HEMK2: variants seen among roughly 807,000 people sequenced by gnomAD.
The protein encoded by HEMK2 is methyltransferase HEMK2.
chr21:28,583,039 T>C, the HEMK2 span, among the ~76,000 whole-genome samples: 11 of 152,202 alleles, frequency 7.2e-5, no homozygotes, highest in Non-Finnish European at 1.5e-4. Context: ...GACATAGTGA[T>C]ATTATTGGAA....
At chr21:28,631,124 G>T in the HEMK2 span, among the ~76,000 whole-genome samples, 1 of 152,036 alleles carries the variant, frequency 6.6e-6, no homozygotes, top group Non-Finnish European at 1.5e-5. Context: ...AACTGACATA[G>T]GGAAATTTTG....
chr21:28,662,009 T>C, the HEMK2 span, among the ~76,000 whole-genome samples: 1 of 152,140 alleles, frequency 6.6e-6, no homozygotes, highest in African/African-American at 2.4e-5. Context: ...TAAGTATACA[T>C]TTTGTTAATT....
the HEMK2 span, among the ~76,000 whole-genome samples, chr21:28,810,184 G>GT: frequency 2.6e-5 from 4 of 152,066 alleles, no homozygotes; most frequent in African/African-American, 7.2e-5. Context: ...GCTAGATTAG[G>GT]TCCCCCCAAT....
the HEMK2 span, among the ~76,000 whole-genome samples, chr21:28,646,450 C>T: frequency 4.6e-5 from 7 of 152,164 alleles, no homozygotes; most frequent in Non-Finnish European, 1.5e-5. Flanking sequence ...TTGACCTTGT[C>T]CTACCTCCTT....
At chr21:28,699,657 A>T in the HEMK2 span, among the ~76,000 whole-genome samples, 16 of 152,232 alleles carry the variant, frequency 1.1e-4, no homozygotes, top group African/African-American at 3.6e-4. Flanking sequence ...TTGTTTACCA[A>T]GAAGATATAA....
At chr21:28,719,433 G>T in the HEMK2 span, among the ~76,000 whole-genome samples, 1 of 152,112 alleles carries the variant, frequency 6.6e-6, no homozygotes, top group Non-Finnish European at 1.5e-5. Context: ...TTATAAATGG[G>T]AGTTCTCCTG....
the HEMK2 span, among the ~76,000 whole-genome samples, chr21:28,622,553 G>T: frequency 6.6e-6 from 1 of 152,098 alleles, no homozygotes; most frequent in South Asian, 2.1e-4. Context: ...CGAAGCTGGA[G>T]GCATCACACT....
the HEMK2 span, among the ~76,000 whole-genome samples, chr21:28,595,086 T>C: frequency 6.6e-6 from 1 of 152,266 alleles, no homozygotes. Context: ...ATACATGAGA[T>C]GTTTTGATAC....
chr21:28,726,869 TAAAA>T, the HEMK2 span, among the ~76,000 whole-genome samples: 2 of 130,270 alleles, frequency 1.5e-5, no homozygotes, highest in African/African-American at 2.9e-5. Context: ...GGACCCTATC[TAAAA>T]AAAAAAAAAA....
At chr21:28,814,754 G>C in the HEMK2 span, among the ~76,000 whole-genome samples, 4 of 151,758 alleles carry the variant, frequency 2.6e-5, no homozygotes, top group South Asian at 8.3e-4. Context: ...AGGATGTGGA[G>C]AAATAGGAAC....
At chr21:28,877,158 A>G in the HEMK2 span, among the ~76,000 whole-genome samples, 3 of 136,484 alleles carry the variant, frequency 2.2e-5, no homozygotes, top group Admixed American at 7.1e-5. Context: ...GAGAGAAAGA[A>G]AGAGAAAGAA....
chr21:28,583,282 T>C, the HEMK2 span, among the ~76,000 whole-genome samples: 1 of 152,236 alleles, frequency 6.6e-6, no homozygotes, highest in South Asian at 2.1e-4. Flanking sequence ...TGTTTGTTAG[T>C]AGTACATAAA....
the HEMK2 span, among the ~76,000 whole-genome samples, chr21:28,830,487 C>T: frequency 6.6e-6 from 1 of 152,162 alleles, no homozygotes; most frequent in Non-Finnish European, 1.5e-5. Context: ...TCAATTAAAC[C>T]TCTTTCTTCA....
chr21:28,882,406 G>A, the HEMK2 span, among the ~76,000 whole-genome samples: 1 of 151,932 alleles, frequency 6.6e-6, no homozygotes, highest in Non-Finnish European at 1.5e-5. Context: ...AAGAGAACAA[G>A]GATTTGTTCT....
At chr21:28,745,232 T>C in the HEMK2 span, among the ~76,000 whole-genome samples, 2 of 152,248 alleles carry the variant, frequency 1.3e-5, no homozygotes, top group African/African-American at 4.8e-5. Flanking sequence ...AGTGGTGCAA[T>C]ACTGTCATCT....
chr21:28,814,091 G>T, the HEMK2 span, among the ~76,000 whole-genome samples: 2 of 152,038 alleles, frequency 1.3e-5, no homozygotes, highest in Admixed American at 6.6e-5. Context: ...CAAAAAATTA[G>T]CTGGGCATGG....
chr21:28,583,949 C>T, the HEMK2 span, among the ~76,000 whole-genome samples: 3 of 152,070 alleles, frequency 2.0e-5, no homozygotes, highest in Admixed American at 2.0e-4. Context: ...CTTGAAAGGT[C>T]CTTCAAATTT....
chr21:28,882,329 C>A, the HEMK2 span: 2 of 1,054,800 alleles, frequency 1.9e-6, no homozygotes, highest in African/African-American at 1.6e-5. Context: ...AGGTATGTTC[C>A]ATTAATTCTA....
chr21:28,845,687 A>T, the HEMK2 span, among the ~76,000 whole-genome samples: 1 of 146,340 alleles, frequency 6.8e-6, no homozygotes, highest in Non-Finnish European at 1.5e-5. Context: ...GTAAGTAGAA[A>T]TTTTTTTCTC....
Sources: allele counts gnomAD v4.1 joint callset (sites outside exome capture counted in the v4.1 genomes callset), GRCh38; gene constraint gnomAD v4.1.1; transcripts MANE v1.5; gene names NCBI Gene and HGNC (gene_info 2026-07-23, HGNC 2026-07-21).